SH3GLB1: variants seen among roughly 807,000 people sequenced by gnomAD.
SH3GLB1 encodes endophilin-B1.
SH3GLB1 carries 17 observed loss-of-function variants against 42.0 expected under a neutral mutation model. The ratio of observed to expected loss-of-function variants is 0.40; its 90% CI spans 0.28 to 0.61. The LOEUF is 0.61. Among genes scored for constraint, SH3GLB1 ranks in the 20% least tolerant of loss-of-function variants. SH3GLB1 has a pLI of 0.36. For missense variants in SH3GLB1, 355 were observed against 426.3 expected (o/e 0.83, Z 1.47); for synonymous variants, 132 against 146.6 (o/e 0.90, Z 0.72).
At position 86,734,860 on chromosome 1, in the gene SH3GLB1, C is replaced by T. The variant is rs568428266; in HGVS notation, c.660+169C>T. On this transcript the variant is annotated intron_variant, in intron 6 of 8. Transcript: ENST00000370558. ...TAAATTGTTGTTTACATCTTATCAC[C>T]GAGTTCTCCCACCCTCATTAAATAT... 5.3e-5 allele frequency among the ~76,000 whole-genome samples: 8 copies of T among 152,228 alleles called. No homozygotes were observed. In the East Asian group the frequency reaches 1.2e-3, roughly 22 times the overall value.
chr1:86,721,411 G>C (rs1654849761), intron 3 of SH3GLB1, among the ~76,000 whole-genome samples: 2 of 152,284 alleles, frequency 1.3e-5, no homozygotes, highest in East Asian at 1.9e-4. Context: ...ATGAAGATCT[G>C]TCTGTATCCA....
At chr1:86,710,852 C>T (rs1297513572) in intron 1 of SH3GLB1, among the ~76,000 whole-genome samples, 2 of 152,122 alleles carry the variant, frequency 1.3e-5, no homozygotes, top group African/African-American at 4.8e-5. Flanking sequence ...CTAAACCAAG[C>T]GATACATATT....
At chr1:86,709,637 T>TATTGAA (rs1654082880) in intron 1 of SH3GLB1, among the ~76,000 whole-genome samples, 2 of 152,216 alleles carry the variant, frequency 1.3e-5, no homozygotes, top group Admixed American at 1.3e-4. Context: ...AGCAAAACCT[T>TATTGAA]GCTCACCATC....
chr1:86,722,508 C>A (rs768315863), intron 3 of SH3GLB1, 32 bp from the exon 4 acceptor site: 2 of 1,545,000 alleles, frequency 1.3e-6, no homozygotes, highest in Admixed American at 4.2e-5. Flanking sequence ...TATTACCAGA[C>A]AATGATTTTT....
intron 7 of SH3GLB1, among the ~76,000 whole-genome samples, chr1:86,740,508 A>T (rs538074210): frequency 6.6e-6 from 1 of 152,272 alleles, no homozygotes; most frequent in South Asian, 2.1e-4. Context: ...CATATCTAAG[A>T]GTTATTATAA....
chr1:86,705,443 C>T (rs2101902763), intron 1 of SH3GLB1, among the ~76,000 whole-genome samples: 1 of 152,278 alleles, frequency 6.6e-6, no homozygotes, highest in African/African-American at 2.4e-5. Flanking sequence ...CAGAGAGCTG[C>T]CAACACAGTT....
intron 1 of SH3GLB1, among the ~76,000 whole-genome samples, chr1:86,715,296 GA>G (rs927547637): frequency 6.6e-6 from 1 of 152,070 alleles, no homozygotes; most frequent in African/African-American, 2.4e-5. Flanking sequence ...GGGTACTAAA[GA>G]AAAAATATTC....
chr1:86,710,348 T>TC (rs1654133965), intron 1 of SH3GLB1, among the ~76,000 whole-genome samples: 1 of 151,836 alleles, frequency 6.6e-6, no homozygotes, highest in South Asian at 2.1e-4. Context: ...CACCGCAATC[T>TC]CCGTTTCCCA....
chr1:86,704,899 G>A lies in SH3GLB1; in HGVS notation c.-1G>A. Reference sequence around the variant, plus strand: ...CCGGCTCCGCCCGGCTGCCGCCTAGGATGAATATCATGGACTTCAACGTGA... The same window carrying A: ...CCGGCTCCGCCCGGCTGCCGCCTAGAATGAATATCATGGACTTCAACGTGA... On this transcript the variant is annotated 5_prime_UTR_variant, in exon 1 of 9. Transcript: ENST00000370558. 2.5e-6 allele frequency: 4 copies of A among 1,578,290 alleles called. No homozygotes were observed. The highest frequency in any genetic ancestry group is 2.3e-5 in the South Asian group (2 of 87,314).
At chr1:86,721,783 T>C (rs929109671) in intron 3 of SH3GLB1, among the ~76,000 whole-genome samples, 2 of 152,020 alleles carry the variant, frequency 1.3e-5, no homozygotes, top group African/African-American at 2.4e-5. Context: ...CCCCTCGATA[T>C]CCATGGGGGA....
intron 1 of SH3GLB1, among the ~76,000 whole-genome samples, chr1:86,713,095 T>C (rs1364177278): frequency 1.3e-5 from 2 of 152,124 alleles, no homozygotes; most frequent in African/African-American, 4.8e-5. Context: ...AACCCCAGTT[T>C]GTATCAGATA....
At chr1:86,716,683 G>T (rs1439307676) in intron 2 of SH3GLB1, among the ~76,000 whole-genome samples, 1 of 152,154 alleles carries the variant, frequency 6.6e-6, no homozygotes, top group African/African-American at 2.4e-5. Context: ...CAGTTAAGGT[G>T]CATAATTGTT....
intron 2 of SH3GLB1, among the ~76,000 whole-genome samples, chr1:86,716,453 G>T (rs1474244334): frequency 6.6e-6 from 1 of 151,666 alleles, no homozygotes; most frequent in Non-Finnish European, 1.5e-5. Flanking sequence ...TTTTTTTTGT[G>T]TGTGTGTCTT....
At chr1:86,705,256 C>G (rs1185076863) in intron 1 of SH3GLB1, among the ~76,000 whole-genome samples, 1 of 152,198 alleles carries the variant, frequency 6.6e-6, no homozygotes, top group South Asian at 2.1e-4. Context: ...GTCCGCCTTT[C>G]TGATACCACG....
intron 3 of SH3GLB1, among the ~76,000 whole-genome samples, chr1:86,720,321 G>A (rs1043793045): frequency 2.0e-5 from 3 of 152,118 alleles, no homozygotes; most frequent in Admixed American, 6.5e-5. Flanking sequence ...TACTTGGCAC[G>A]TAGTTCTTGA....
At chr1:86,723,455 A>G (rs1654983902) in intron 4 of SH3GLB1, among the ~76,000 whole-genome samples, 1 of 152,202 alleles carries the variant, frequency 6.6e-6, no homozygotes, top group African/African-American at 2.4e-5. Flanking sequence ...CGGAGGTTGC[A>G]GTGAGCCAAG....
At chr1:86,730,704 G>A (rs528679628) in intron 5 of SH3GLB1, among the ~76,000 whole-genome samples, 1 of 151,988 alleles carries the variant, frequency 6.6e-6, no homozygotes, top group African/African-American at 2.4e-5. Context: ...TTTTCACCAT[G>A]TTGGCCAGGC....
intron 4 of SH3GLB1, 128 bp from the exon 5 acceptor site, chr1:86,724,185 C>A: frequency 1.7e-6 from 1 of 577,658 alleles, no homozygotes; most frequent in Non-Finnish European, 2.8e-6. Flanking sequence ...ACTTTATAGC[C>A]AATTTTGTAG....
chr1:86,735,040 A>G (rs560692154), intron 6 of SH3GLB1, 39 bp from the exon 7 acceptor site: 3 of 1,490,248 alleles, frequency 2.0e-6, no homozygotes, highest in East Asian at 2.3e-5. Flanking sequence ...ATTTAAGTTG[A>G]CTATACAGCT....
Sources: gnomAD v4.1 joint callset for allele counts (sites outside exome capture counted in the v4.1 genomes callset) on GRCh38, gnomAD v4.1.1 for gene constraint, MANE v1.5 for transcripts, NCBI Gene and HGNC (gene_info 2026-07-23, HGNC 2026-07-21) for gene names.